BANP: variants seen among roughly 807,000 people sequenced by gnomAD.
BANP encodes the protein BTG3 associated nuclear protein.
A neutral mutation model predicts 68.1 loss-of-function variants in BANP; 11 were observed. The ratio of observed to expected loss-of-function variants is 0.16; its 90% CI spans 0.10 to 0.27. The LOEUF (loss-of-function observed/expected upper bound fraction) is 0.27, where lower values mean the gene tolerates loss of function less well. BANP is among the 10% of genes least tolerant of loss of function. The pLI is 1.00. For missense variants in BANP, 504 were observed against 722.7 expected (o/e 0.70, Z 3.47); for synonymous variants, 329 against 303.2 (o/e 1.09, Z -0.88).
intron 9 of BANP, among the ~76,000 whole-genome samples, chr16:88,034,178 C>T (rs1263241423): frequency 1.3e-5 from 2 of 152,210 alleles, no homozygotes; most frequent in Admixed American, 1.3e-4. Flanking sequence ...CGTTACCCTT[C>T]CTCTTCCAAA....
intron 11 of BANP, among the ~76,000 whole-genome samples, chr16:88,041,717 C>T (rs572871372): frequency 4.6e-5 from 7 of 152,302 alleles, no homozygotes; most frequent in African/African-American, 7.2e-5. Context: ...AGTCGTGGTG[C>T]GCGCTTACAT....
At chr16:88,008,076 C>T (rs1479242872) in intron 6 of BANP, among the ~76,000 whole-genome samples, 2 of 152,200 alleles carry the variant, frequency 1.3e-5, no homozygotes, top group Admixed American at 6.5e-5. Flanking sequence ...TCTCCGTCCT[C>T]GTGGATGTGC....
chr16:88,015,308 T>C (rs1161779155), intron 6 of BANP, among the ~76,000 whole-genome samples: 1 of 148,506 alleles, frequency 6.7e-6, no homozygotes, highest in Non-Finnish European at 1.5e-5. Flanking sequence ...CCTCTGCCCG[T>C]GCCCCCTCAG....
chr16:88,027,702 C>T (rs897802810), intron 8 of BANP, 52 bp downstream of exon 8: 4 of 1,601,298 alleles, frequency 2.5e-6, no homozygotes, highest in Non-Finnish European at 3.4e-6. Context: ...GGGCAGCTGG[C>T]CTGGTGGCAC....
intron 11 of BANP, among the ~76,000 whole-genome samples, chr16:88,062,380 AC>A (rs2087067914): frequency 6.6e-6 from 1 of 152,214 alleles, no homozygotes; most frequent in Non-Finnish European, 1.5e-5. Flanking sequence ...GATAGAGGAA[AC>A]CAGATGTGTG....
At chr16:88,046,893 C>G (rs943161179) in intron 11 of BANP, among the ~76,000 whole-genome samples, 2 of 151,752 alleles carry the variant, frequency 1.3e-5, no homozygotes, top group African/African-American at 4.8e-5. Context: ...GGTGAAACCC[C>G]GTCTCTACTA....
At chr16:87,984,398 C>G (rs1385614363) in intron 4 of BANP, 139 bp downstream of exon 4, 3 of 1,030,286 alleles carry the variant, frequency 2.9e-6, no homozygotes, top group Non-Finnish European at 4.2e-6. Context: ...CAGTTTCTAA[C>G]TAAAGCTGAC....
intron 2 of BANP, 189 bp from the exon 3 acceptor site, chr16:87,980,847 T>C: frequency 1.8e-6 from 1 of 565,996 alleles, no homozygotes; most frequent in Non-Finnish European, 3.1e-6. Context: ...TCTGGGCTTT[T>C]CTTGGGATTA....
At chr16:88,022,448 C>T (rs2076205115) in intron 7 of BANP, among the ~76,000 whole-genome samples, 1 of 152,228 alleles carries the variant, frequency 6.6e-6, no homozygotes, top group African/African-American at 2.4e-5. Flanking sequence ...GTTATGCTTT[C>T]AGGGTTGACC....
chr16:88,016,968 G>T (rs2074720614), intron 6 of BANP, among the ~76,000 whole-genome samples: 1 of 152,192 alleles, frequency 6.6e-6, no homozygotes, highest in Non-Finnish European at 1.5e-5. Context: ...AAGACAGGGT[G>T]ACCAGCCCTG....
At chr16:87,967,059 C>A (rs1382557558) in intron 1 of BANP, among the ~76,000 whole-genome samples, 1 of 152,182 alleles carries the variant, frequency 6.6e-6, no homozygotes, top group African/African-American at 2.4e-5. Context: ...AAGGAGGTTT[C>A]CCAGGGGGCT....
At chr16:88,063,226 C>G (rs534519995) in intron 11 of BANP, among the ~76,000 whole-genome samples, 2 of 152,230 alleles carry the variant, frequency 1.3e-5, no homozygotes, top group Non-Finnish European at 2.9e-5. Flanking sequence ...CTGCTGACCC[C>G]GGTTCCCTTA....
intron 12 of BANP, among the ~76,000 whole-genome samples, chr16:88,070,360 C>T (rs1387736921): frequency 6.6e-6 from 1 of 152,160 alleles, no homozygotes; most frequent in African/African-American, 2.4e-5. Context: ...CAGAGGGCCT[C>T]TGCAGTAGGG....
intron 2 of BANP, among the ~76,000 whole-genome samples, chr16:87,977,634 A>C (rs539220333): frequency 1.3e-5 from 2 of 152,296 alleles, no homozygotes; most frequent in South Asian, 4.1e-4. Context: ...AAGAAATAAA[A>C]ATTTCCCATA....
chr16:88,044,858 T>C (rs1472069028), intron 11 of BANP, among the ~76,000 whole-genome samples: 1 of 152,094 alleles, frequency 6.6e-6, no homozygotes, highest in Non-Finnish European at 1.5e-5. Flanking sequence ...GGCAGGCGCC[T>C]GTAGTCTCAG....
At position 88,003,562 on chromosome 16, in the gene BANP, G is replaced by T; in HGVS notation, c.363-733G>T. 2.2e-6 allele frequency: 1 copy of T among 456,210 alleles called. No homozygotes were observed. Among genetic ancestry groups the T allele is most frequent in the Non-Finnish European group, 4.4e-6 (1 of 226,916 alleles). The allele number at this position is 456,210 out of a possible 1,614,324, so 28.3% of individuals were successfully genotyped here. ...TTAAAAACGCATGATTGAAAACTGT[G>T]GGTGAGTCTGTACTTTGAGATGAAG... On this transcript the variant is annotated intron_variant, in intron 4 of 13. Transcript: ENST00000682872. This position sits in a 1 kb window ranked among gnomAD's most constrained non-coding sequence, Gnocchi z 6.1.
At chr16:87,986,074 C>G (rs571461309) in intron 4 of BANP, among the ~76,000 whole-genome samples, 4 of 152,288 alleles carry the variant, frequency 2.6e-5, no homozygotes, top group African/African-American at 9.6e-5. Context: ...ACGTCTCAAC[C>G]TCCCTTACCT....
chr16:88,037,865 T>C, intron 10 of BANP, 108 bp from the exon 11 acceptor site: 1 of 1,132,394 alleles, frequency 8.8e-7, no homozygotes, highest in Non-Finnish European at 1.3e-6. Context: ...ACTGGGGTTT[T>C]CTTGTTATTC....
At chr16:87,972,101 T>G (rs1362740888) in intron 1 of BANP, among the ~76,000 whole-genome samples, 2 of 152,246 alleles carry the variant, frequency 1.3e-5, no homozygotes, top group Non-Finnish European at 2.9e-5. Context: ...CCAGTTTTCA[T>G]CTTTAGCATC....
Sources: allele counts gnomAD v4.1 joint callset (sites outside exome capture counted in the v4.1 genomes callset), GRCh38; gene constraint gnomAD v4.1.1; non-coding constraint Gnocchi (gnomAD v3.1); transcripts MANE v1.5; gene names NCBI Gene and HGNC (gene_info 2026-07-23, HGNC 2026-07-21).